Variants in PPP2R2C observed in about 807,000 individuals in gnomAD.
PPP2R2C encodes protein phosphatase 2 regulatory subunit Bgamma.
A neutral mutation model predicts 45.3 loss-of-function variants in PPP2R2C; 10 were observed. That is an observed-to-expected ratio of 0.22 (90% CI 0.14 to 0.37). PPP2R2C has a LOEUF of 0.37. Among genes scored for constraint, PPP2R2C ranks in the 10% least tolerant of loss-of-function variants. The pLI, the probability that PPP2R2C is intolerant of heterozygous loss-of-function variation, is 1.00. For synonymous variants in PPP2R2C, 257 were observed against 245.4 expected (o/e 1.05, Z -0.44); for missense variants, 308 against 619.7 (o/e 0.50, Z 5.34).
chr4:6,470,795 G>A (rs1291209869), intron 1 of PPP2R2C, among the ~76,000 whole-genome samples: 1 of 151,920 alleles, frequency 6.6e-6, no homozygotes, highest in African/African-American at 2.4e-5. Context: ...CCACCGGCCC[G>A]GAGGCCCGGG....
chr4:6,444,436 T>C (rs1416674106), intron 1 of PPP2R2C, among the ~76,000 whole-genome samples: 1 of 152,158 alleles, frequency 6.6e-6, no homozygotes, highest in Admixed American at 6.5e-5. Flanking sequence ...ATAAGAAGAC[T>C]GAGGCCCCAG....
Position 6,408,873 on chromosome 4 carries a change from C to CTTTTT in PPP2R2C, c.71-27784_71-27780dup, listed in dbSNP as rs57209185. Among the ~76,000 whole-genome samples, 5 of 126,754 alleles carry CTTTTT rather than the reference C, an allele frequency of 3.9e-5. 1 individual carries two copies. The highest frequency in any genetic ancestry group is 1.5e-4 in the Admixed American group (2 of 12,984). The allele number at this position is 126,754 out of a possible 152,430, so 83.2% of individuals were successfully genotyped here. On this transcript the variant is annotated intron_variant, in intron 1 of 8. Coordinates refer to ENST00000382599, the MANE Select transcript of PPP2R2C (RefSeq NM_020416.4). The stretch of plus-strand genomic sequence containing the variant: ...AGAGGGCCTCTCAAGGATCCTGTGG[C>CTTTTT]TTTTTTTTTTTTTTTTTTAGGATTA...
At chr4:6,508,682 A>G (rs897394057) in intron 2 of PPP2R2C, among the ~76,000 whole-genome samples, 1 of 152,220 alleles carries the variant, frequency 6.6e-6, no homozygotes, top group African/African-American at 2.4e-5. Flanking sequence ...GGGCTCAAAC[A>G]TGCACACTAA....
chr4:6,334,352 G>A (rs1353719575), intron 6 of PPP2R2C, among the ~76,000 whole-genome samples: 2 of 152,060 alleles, frequency 1.3e-5, no homozygotes, highest in African/African-American at 4.8e-5. Context: ...TTTTTTCTTG[G>A]AGCACCTGCT....
intron 1 of PPP2R2C, among the ~76,000 whole-genome samples, chr4:6,435,612 G>C (rs542410096): frequency 6.6e-6 from 1 of 152,230 alleles, no homozygotes; most frequent in Admixed American, 6.5e-5. Context: ...AGTTCTTCCT[G>C]AACCATCTAT....
In PPP2R2C at chr4:6,360,742, A is replaced by G. The variant is rs114215230; in HGVS notation, c.625+11781T>C. On this transcript the variant is annotated intron_variant, in intron 5 of 8. Coordinates refer to ENST00000382599, the MANE Select transcript of PPP2R2C (RefSeq NM_020416.4). The stretch of plus-strand genomic sequence containing the variant: ...CAGACCAAGGCATGTCAGATCCTAC[A>G]GGAGGATTCCTGGCTGCCATAGCAA... Among the ~76,000 whole-genome samples the G allele has an allele frequency of 5.7e-3, 871 of 152,330 alleles. 12 individuals are homozygous for G. Among genetic ancestry groups the G allele is most frequent in the African/African-American group, 0.02 (839 of 41,590 alleles).
intron 6 of PPP2R2C, among the ~76,000 whole-genome samples, chr4:6,343,003 G>A (rs1190379251): frequency 6.7e-6 from 1 of 149,710 alleles, no homozygotes; most frequent in Admixed American, 6.6e-5. Context: ...GTCACTATCA[G>A]CCACTCCCTG....
intron 1 of PPP2R2C, among the ~76,000 whole-genome samples, chr4:6,551,993 T>C (rs1414224086): frequency 6.6e-6 from 1 of 151,994 alleles, no homozygotes; most frequent in Non-Finnish European, 1.5e-5. Flanking sequence ...ACTTTGGAAG[T>C]GGAAGGAAAA....
chr4:6,506,422 C>A (rs1368801413), intron 2 of PPP2R2C, among the ~76,000 whole-genome samples: 1 of 152,184 alleles, frequency 6.6e-6, no homozygotes, highest in Non-Finnish European at 1.5e-5. Flanking sequence ...TCACGTGGAA[C>A]ACAGCTATGC....
At chr4:6,393,436 T>C (rs1160836765) in intron 1 of PPP2R2C, among the ~76,000 whole-genome samples, 1 of 152,242 alleles carries the variant, frequency 6.6e-6, no homozygotes, top group Non-Finnish European at 1.5e-5. Context: ...TCATTCCTTT[T>C]CCAGGCTGAA....
intron 1 of PPP2R2C, among the ~76,000 whole-genome samples, chr4:6,426,952 G>T (rs1038853277): frequency 6.6e-6 from 1 of 152,242 alleles, no homozygotes; most frequent in Non-Finnish European, 1.5e-5. Flanking sequence ...AATTCCAAAA[G>T]CTAAGTTAAT....
chr4:6,518,786 A>G (rs1258639243), intron 2 of PPP2R2C, among the ~76,000 whole-genome samples: 1 of 151,956 alleles, frequency 6.6e-6, no homozygotes, highest in Non-Finnish European at 1.5e-5. Flanking sequence ...ACCCAGGCAT[A>G]GTGGCACACG....
chr4:6,490,215 T>A (rs184621925), intron 2 of PPP2R2C, among the ~76,000 whole-genome samples: 81 of 152,254 alleles, frequency 5.3e-4, no homozygotes, highest in Admixed American at 1.2e-3. Context: ...TCCAAGCCTT[T>A]TGTGGGCAGG....
At chr4:6,549,972 T>C (rs1725128545) in intron 1 of PPP2R2C, among the ~76,000 whole-genome samples, 1 of 152,306 alleles carries the variant, frequency 6.6e-6, no homozygotes, top group African/African-American at 2.4e-5. Context: ...CCTCACCCTG[T>C]GCCAATAAAG....
chr4:6,347,675 A>G (rs1011065528), intron 6 of PPP2R2C, among the ~76,000 whole-genome samples, 171 bp downstream of exon 6: 2 of 152,092 alleles, frequency 1.3e-5, no homozygotes, highest in African/African-American at 4.8e-5. Flanking sequence ...TGGCAAGACC[A>G]GGCTCCCCGA....
intron 1 of PPP2R2C, among the ~76,000 whole-genome samples, chr4:6,544,432 T>G (rs1343602858): frequency 3.3e-5 from 5 of 152,148 alleles, no homozygotes; most frequent in African/African-American, 1.2e-4. Context: ...AGCCCCAAAC[T>G]CCTGGGCTCA....
intron 5 of PPP2R2C, chr4:6,349,017 G>C (rs548556481): frequency 1.3e-5 from 13 of 985,238 alleles, no homozygotes; most frequent in East Asian, 1.1e-4. Context: ...CAACCTCCCC[G>C]GCCCCAGCAC....
intron 5 of PPP2R2C, among the ~76,000 whole-genome samples, chr4:6,352,627 T>C (rs1712676183): frequency 6.6e-6 from 1 of 152,126 alleles, no homozygotes; most frequent in African/African-American, 2.4e-5. Flanking sequence ...CAGACACAGG[T>C]AGGAATTCCA....
At chr4:6,447,886 T>C (rs575770082) in intron 1 of PPP2R2C, among the ~76,000 whole-genome samples, 1 of 152,266 alleles carries the variant, frequency 6.6e-6, no homozygotes, top group East Asian at 1.9e-4. Flanking sequence ...CGCCAGCTCC[T>C]TTCCCACAGT....
Sources: allele counts gnomAD v4.1 joint callset (sites outside exome capture counted in the v4.1 genomes callset), GRCh38; gene constraint gnomAD v4.1.1; transcripts MANE v1.5; gene names NCBI Gene and HGNC (gene_info 2026-07-23, HGNC 2026-07-21).